ARHGAP39: variants seen among roughly 807,000 people sequenced by gnomAD.
ARHGAP39 encodes the protein Rho GTPase activating protein 39.
ARHGAP39 carries 44 observed loss-of-function variants against 106.9 expected under a neutral mutation model. The observed-to-expected ratio is 0.41, with a 90% CI of 0.32 to 0.53. ARHGAP39 has a LOEUF of 0.53. ARHGAP39 is among the 20% of genes least tolerant of loss of function. The pLI is 0.21. For synonymous variants in ARHGAP39, 768 were observed against 693.2 expected (o/e 1.11, Z -1.69); for missense variants, 1,496 against 1,577.3 (o/e 0.95, Z 0.87).
Position 144,532,455 on chromosome 8 carries a change from C to T in ARHGAP39, c.2889-59G>A, listed in dbSNP as rs1041225505. The T allele has an allele frequency of 3.1e-5, 46 of 1,468,266 alleles. No individual in the cohort carries two copies. The African/African-American group carries it at 3.3e-4, about 11-fold the overall frequency. The allele number at this position is 1,468,266 out of a possible 1,614,324, so 91.0% of individuals were successfully genotyped here. A position where few individuals can be genotyped will look rare whatever the true frequency, so the allele number is the denominator to read the frequency against. On this transcript the variant is annotated intron_variant, in intron 9 of 11. Transcript: ENST00000377307. Reference sequence around the variant, plus strand: ...AGCCTGTGCTGCGGCTTCATGATTCCGCCTGGACACTCCCTCCGGTAGGCC... The same window carrying T: ...AGCCTGTGCTGCGGCTTCATGATTCTGCCTGGACACTCCCTCCGGTAGGCC...
chr8:144,678,520 A>T (rs1260684672), intron 1 of ARHGAP39, among the ~76,000 whole-genome samples: 1 of 152,112 alleles, frequency 6.6e-6, no homozygotes, highest in Non-Finnish European at 1.5e-5. Flanking sequence ...GCCAAGAAAG[A>T]CTTGGCCCAT....
Position 144,580,850 on chromosome 8 carries a change from C to T in ARHGAP39, c.508G>A (p.Gly170Ser), listed in dbSNP as rs943208124. Residue 170 changes from glycine (G) to serine (S), a missense_variant, in exon 3 of 12, where the codon GGC becomes AGC. Physicochemically the swap from Gly to Ser is moderately conservative, Grantham distance 56 (BLOSUM62 0). This residue lies in a region of ARHGAP39 where 905 missense variants were observed against 816.4 expected (regional missense o/e 1.11). Transcript: ENST00000377307. ...AAFGTVKEDS[G>S]SSSPPGVFLE... ...AGCAGCTGCCCCCGCCCTCACCTGC[C>T]GCTGTCCTCCTTCACTGTCCCAAAC... The T allele has an allele frequency of 1.9e-6, 3 of 1,551,398 alleles. No homozygotes were observed. The highest frequency in any genetic ancestry group is 1.4e-5 in the African/African-American group (1 of 73,426).
rs1024170460 is a variant in ARHGAP39, at chr8:144,658,567, G to A, written c.-82+27119C>T. Among the ~76,000 whole-genome samples the A allele has an allele frequency of 5.9e-5, 9 of 152,110 alleles. No homozygotes were observed. In the South Asian group the frequency reaches 1.0e-3, roughly 18 times the overall value. On this transcript the variant is annotated intron_variant, in intron 1 of 11. Coordinates refer to ENST00000377307, the MANE Select transcript of ARHGAP39 (RefSeq NM_025251.3). ...TGGGATTATAGGTGTGAGCTACTGCGCCTGGCCACTACAGCATTTTTTAAT... is the reference window on the plus strand; with the variant it reads ...TGGGATTATAGGTGTGAGCTACTGCACCTGGCCACTACAGCATTTTTTAAT...
intron 6 of ARHGAP39, among the ~76,000 whole-genome samples, chr8:144,542,916 C>G (rs1229871325): frequency 6.6e-6 from 1 of 151,252 alleles, no homozygotes; most frequent in Non-Finnish European, 1.5e-5. Flanking sequence ...TCCTGAACTC[C>G]AGCCTGGGCA....
intron 3 of ARHGAP39, among the ~76,000 whole-genome samples, chr8:144,571,944 C>A (rs1818602170): frequency 6.6e-6 from 1 of 152,154 alleles, no homozygotes; most frequent in African/African-American, 2.4e-5. Context: ...AGGACCCCTT[C>A]AAGGAGAACT....
chr8:144,634,940 C>T (rs946957011), intron 1 of ARHGAP39, among the ~76,000 whole-genome samples: 5 of 152,272 alleles, frequency 3.3e-5, no homozygotes, highest in Non-Finnish European at 7.3e-5. Flanking sequence ...CACTTCCCTG[C>T]ACATTCTGGC....
intron 2 of ARHGAP39, among the ~76,000 whole-genome samples, chr8:144,593,767 G>T (rs1021200132): frequency 2.6e-5 from 4 of 152,034 alleles, no homozygotes; most frequent in Non-Finnish European, 5.9e-5. Context: ...TCCCGTCTGC[G>T]CAACAGAGTG....
Position 144,679,639 on chromosome 8 carries a change from C to T in ARHGAP39, c.-82+6047G>A, listed in dbSNP as rs1168827064. Among the ~76,000 whole-genome samples the T allele has an allele frequency of 6.6e-6, 1 of 152,214 alleles. No individual in the cohort carries two copies. The highest frequency in any genetic ancestry group is 2.4e-5 in the African/African-American group (1 of 41,452). ...AATCTCCCTAAACCATTAATCAGGA[C>T]ATCCCCTGCTCACAAAGCTGCCTGC... On this transcript the variant is annotated intron_variant, in intron 1 of 11. Transcript: ENST00000377307. This position sits in a 1 kb window ranked among gnomAD's most constrained non-coding sequence, Gnocchi z 4.7.
At chr8:144,592,705 C>T (rs1314223879) in intron 2 of ARHGAP39, among the ~76,000 whole-genome samples, 2 of 152,164 alleles carry the variant, frequency 1.3e-5, no homozygotes, top group Non-Finnish European at 2.9e-5. Flanking sequence ...CTCGGGAAAC[C>T]TGAGGGCAGA....
At chr8:144,574,046 CCCTGTAAT>C (rs1467757853) in intron 3 of ARHGAP39, among the ~76,000 whole-genome samples, 6 of 151,620 alleles carry the variant, frequency 4.0e-5, no homozygotes, top group Non-Finnish European at 5.9e-5. Flanking sequence ...GGTGGCGCCC[CCCTGTAAT>C]CCCAGCTACT....
At chr8:144,687,960 G>A (rs112455425), upstream of ARHGAP39, among the ~76,000 whole-genome samples, 265 of 118,186 alleles carry the variant, frequency 2.2e-3, 3 homozygotes, top group African/African-American at 5.9e-3. Context: ...TTTACAGTGA[G>A]CACTTCCCAA....
intron 3 of ARHGAP39, among the ~76,000 whole-genome samples, chr8:144,567,947 G>C (rs986142335): frequency 2.5e-4 from 38 of 152,098 alleles, no homozygotes; most frequent in African/African-American, 8.7e-4. Flanking sequence ...GGTGGTAGTG[G>C]TCCCCTGGGC....
At position 144,555,597 on chromosome 8, in the gene ARHGAP39, G is replaced by T; in HGVS notation, c.559C>A (p.Arg187=). The T allele has an allele frequency of 6.2e-7, 1 of 1,614,014 alleles. No homozygotes were observed. Among genetic ancestry groups the T allele is most frequent in the African/African-American group, 1.3e-5 (1 of 75,046 alleles). Residue 187 remains arginine (R), a synonymous_variant, in exon 4 of 12, where the codon CGG becomes AGG. Transcript: ENST00000377307. ...AGCTGGCCGTCCGCACTGTAATCCC[G>T]GTAAATCTCATAGTCCTTCTCAAGG... The part of the protein sequence containing the change: ...VFLEKDYEIY[R]DYSADGQLLH...
rs115571350 is a variant in ARHGAP39 at position 144,593,234 on chromosome 8, C to T, written c.81-11957G>A. Among the ~76,000 whole-genome samples, 1,445 of 152,218 alleles carry T rather than the reference C, an allele frequency of 9.5e-3. 23 individuals carry two copies. The highest frequency in any genetic ancestry group is 0.033 in the African/African-American group (1,369 of 41,538). On this transcript the variant is annotated intron_variant, in intron 2 of 11. Coordinates refer to ENST00000377307, the MANE Select transcript of ARHGAP39 (RefSeq NM_025251.3). ...TTTCTGATGAATGTAATGAGTGCCA[C>T]GTGCATGCCAGACAATTTGCCAGGT...
intron 1 of ARHGAP39, among the ~76,000 whole-genome samples, chr8:144,682,061 G>C (rs2129769350): frequency 6.6e-6 from 1 of 151,978 alleles, no homozygotes; most frequent in African/African-American, 2.4e-5. Flanking sequence ...GAGGTCAGGA[G>C]ATCGAGACCA....
In ARHGAP39 at chr8:144,547,432, G is replaced by C. The variant is rs1407507186; in HGVS notation, c.1654C>G (p.Pro552Ala). The C allele has an allele frequency of 6.3e-7, 1 of 1,582,736 alleles. No homozygotes were observed. The highest frequency in any genetic ancestry group is 8.5e-7 in the Non-Finnish European group (1 of 1,171,462). ...GCCAGCCGAGCCTGCGCCAGGAAGG[G>C]CTCGGCCGCGCCCCGCGCCCCTTCG... ...EAEGARGAAEPFLAQARLAWE... is the reference protein window; with the variant it reads ...EAEGARGAAEAFLAQARLAWE... The change falls in exon 5 of 12, where the codon CCC (proline) becomes GCC (alanine). Residue 552 changes from proline to alanine, a missense_variant. Pro to Ala is a conservative substitution (Grantham distance 27). Transcript: ENST00000377307. This position sits in a 1 kb window ranked among gnomAD's most constrained non-coding sequence, Gnocchi z 5.2.
intron 7 of ARHGAP39, among the ~76,000 whole-genome samples, chr8:144,535,144 C>T (rs1816903166): frequency 6.6e-6 from 1 of 152,276 alleles, no homozygotes; most frequent in East Asian, 1.9e-4. Flanking sequence ...GGATCCTGAC[C>T]CCCAATCGGA....
chr8:144,639,516 G>A (rs1177492278), intron 1 of ARHGAP39, among the ~76,000 whole-genome samples: 5 of 152,054 alleles, frequency 3.3e-5, no homozygotes, highest in South Asian at 4.1e-4. Context: ...TTTCTTGGTA[G>A]AGCATCTTTT....
At chr8:144,678,397 G>C (rs990925632) in intron 1 of ARHGAP39, among the ~76,000 whole-genome samples, 10 of 152,172 alleles carry the variant, frequency 6.6e-5, no homozygotes, top group African/African-American at 2.4e-4. Context: ...AGAGGGGGTG[G>C]AGCACCTGAG....
Sources: gnomAD v4.1 joint callset for allele counts (sites outside exome capture counted in the v4.1 genomes callset) on GRCh38, gnomAD v4.1.1 for gene constraint, gnomAD v4.1.1 regional missense constraint, Gnocchi (gnomAD v3.1) non-coding constraint, MANE v1.5 for transcripts, NCBI Gene and HGNC (gene_info 2026-07-23, HGNC 2026-07-21) for gene names.